The following NALCN variants were observed in gnomAD, a reference collection of about 807,000 sequenced individuals.
The protein encoded by NALCN is sodium leak channel, non-selective.
A neutral mutation model predicts 225.3 loss-of-function variants in NALCN; 111 were observed. That is an observed-to-expected ratio of 0.49 (90% CI 0.42 to 0.58). The LOEUF is 0.58. Among genes scored for constraint, NALCN ranks in the 20% least tolerant of loss-of-function variants. NALCN has a pLI of 0.00. For synonymous variants in NALCN, 764 were observed against 769.0 expected (o/e 0.99, Z 0.11); for missense variants, 1,378 against 2,202.4 (o/e 0.63, Z 7.49).
At chr13:101,070,063 G>GTTCTTTT (rs536866923) in intron 37 of NALCN, among the ~76,000 whole-genome samples, 8,620 of 98,098 alleles carry the variant, frequency 0.088, 1,295 homozygotes, top group African/African-American at 0.14. Context: ...AATCATGAAT[G>GTTCTTTT]TTTTTTTTTT....
chr13:101,240,941 T>A (rs1156248603), intron 11 of NALCN, among the ~76,000 whole-genome samples: 2 of 152,252 alleles, frequency 1.3e-5, no homozygotes, highest in African/African-American at 2.4e-5. Flanking sequence ...TACTGTTTTA[T>A]GTGAAATTGG....
At chr13:101,238,903 A>G (rs2041660565) in intron 11 of NALCN, among the ~76,000 whole-genome samples, 1 of 151,988 alleles carries the variant, frequency 6.6e-6, no homozygotes, top group Non-Finnish European at 1.5e-5. Context: ...ATGAAACATT[A>G]AAGGCACTGC....
intron 15 of NALCN, among the ~76,000 whole-genome samples, chr13:101,162,576 C>CT (rs2038241728): frequency 1.3e-5 from 2 of 152,280 alleles, no homozygotes; most frequent in African/African-American, 4.8e-5. Context: ...ATAAGAGTGC[C>CT]TTTTTGTAAT....
intron 11 of NALCN, among the ~76,000 whole-genome samples, chr13:101,257,938 C>T (rs560095697): frequency 6.6e-6 from 1 of 152,150 alleles, no homozygotes; most frequent in South Asian, 2.1e-4. Flanking sequence ...TAGGGAGATG[C>T]TTATTTAATC....
Position 101,258,427 on chromosome 13 carries a change from G to A in NALCN, c.1266+16C>T, listed in dbSNP as rs776977104. The A allele has an allele frequency of 2.5e-6, 4 of 1,613,856 alleles. No homozygotes were observed. The highest frequency in any genetic ancestry group is 2.7e-5 in the African/African-American group (2 of 74,932). On this transcript the variant is annotated intron_variant, in intron 11 of 43. Coordinates refer to ENST00000251127, the MANE Select transcript of NALCN (RefSeq NM_052867.4). ...TGCTCCTTGCCCAGCGATCTGCACG[G>A]TGGAGAGCTGCTTACCTCCGCCAGG...
intron 3 of NALCN, among the ~76,000 whole-genome samples, chr13:101,380,004 G>A (rs2046804778): frequency 6.6e-6 from 1 of 151,898 alleles, no homozygotes; most frequent in Non-Finnish European, 1.5e-5. Flanking sequence ...GATCATTAAG[G>A]CAAAAACCCC....
chr13:101,243,921 G>A (rs562982840), intron 11 of NALCN, among the ~76,000 whole-genome samples: 2 of 105,848 alleles, frequency 1.9e-5, no homozygotes, highest in East Asian at 4.8e-4. Flanking sequence ...AGACTTTGCT[G>A]CAAGTCCTGC....
At chr13:101,203,778 T>G (rs1250910148) in intron 13 of NALCN, among the ~76,000 whole-genome samples, 1 of 151,404 alleles carries the variant, frequency 6.6e-6, no homozygotes, top group Non-Finnish European at 1.5e-5. Context: ...GAAAATTTTG[T>G]TTTTTTTACA....
At position 101,397,066 on chromosome 13, in the gene NALCN, TTATATATATATATATATATATATATATA is replaced by T. The variant is rs368771604; in HGVS notation, c.109-1729_109-1702del. Among the ~76,000 whole-genome samples, 30 of 56,390 alleles carry T rather than the reference TTATATATATATATATATATATATATATA, an allele frequency of 5.3e-4. 1 individual carries two copies. Among genetic ancestry groups the T allele is most frequent in the Admixed American group, 6.2e-4 (3 of 4,824 alleles). 37.0% of individuals were successfully genotyped at this position (56,390 alleles called of 152,430 possible). On this transcript the variant is annotated intron_variant, in intron 2 of 43. Coordinates refer to ENST00000251127, the MANE Select transcript of NALCN (RefSeq NM_052867.4). ...AAGAAGTAAAACACCTATGAATGTA[TTATATATATATATATATATATATATATA>T]TATATATATATATATACATACACAT...
chr13:101,081,567 G>A lies in NALCN; in HGVS notation c.3845C>T (p.Ser1282Leu), dbSNP rs763353781. The change falls in exon 34 of 44, where the codon TCG becomes TTG. Residue 1282 changes from serine (S) to leucine (L), a missense_variant. Around this residue, in one of 19 missense-constraint regions of NALCN, gnomAD observed 98 missense variants for 156.6 expected, o/e 0.63. Transcript: ENST00000251127. ...AAGCACCACCCATACAACGCCAAGCGACGTCACCAGGAGATCGTATCGGTT... is the reference window on the plus strand; with the variant it reads ...AAGCACCACCCATACAACGCCAAGCAACGTCACCAGGAGATCGTATCGGTT... Reference protein sequence around the residue: ...RRNRYDLLVTSLGVVWVVLHF... With the variant: ...RRNRYDLLVTLLGVVWVVLHF... 5.3e-5 allele frequency: 85 copies of A among 1,613,984 alleles called. 1 individual carries two copies. In the Admixed American group the frequency reaches 9.2e-4, roughly 17 times the overall value.
At chr13:101,405,323 C>T (rs997077032) in intron 1 of NALCN, among the ~76,000 whole-genome samples, 1 of 152,214 alleles carries the variant, frequency 6.6e-6, no homozygotes, top group African/African-American at 2.4e-5. Flanking sequence ...TAGCATCATA[C>T]ATTTTATGCT....
rs753183455 is a variant in NALCN, at chr13:101,229,425, C to T, written c.1594G>A (p.Glu532Lys). 59 of 1,603,590 alleles carry T rather than the reference C, an allele frequency of 3.7e-5. 1 individual carries two copies. Among genetic ancestry groups the T allele is most frequent in the East Asian group, 2.0e-4 (9 of 44,114 alleles). Residue 532 changes from glutamate to lysine, a missense_variant, in exon 13 of 44, where the codon GAA becomes AAA. Physicochemically the swap from Glu to Lys is moderately conservative, Grantham distance 56. This residue lies in a region of NALCN where 18 missense variants were observed against 18.0 expected (regional missense o/e 1.00). Coordinates refer to ENST00000251127, the MANE Select transcript of NALCN (RefSeq NM_052867.4). ...AISLQMFCFV[E>K]ELDRFTTFPR... is the part of the protein sequence containing the mutation. ...AACGTAGTAAATCTGTCCAGTTCTT[C>T]GACAAAGCAGAACATCTGCAAACTA... is the stretch of plus-strand genomic sequence containing the variant.
At chr13:101,123,280 G>T (rs960723439) in intron 18 of NALCN, among the ~76,000 whole-genome samples, 2 of 152,172 alleles carry the variant, frequency 1.3e-5, no homozygotes, top group Non-Finnish European at 2.9e-5. Flanking sequence ...GCAGATACTC[G>T]ATGCAGACTG....
At chr13:101,176,717 G>A (rs146567647) in intron 14 of NALCN, among the ~76,000 whole-genome samples, 308 of 152,262 alleles carry the variant, frequency 2.0e-3, no homozygotes, top group African/African-American at 7.2e-3. Flanking sequence ...ATATACACAG[G>A]TGCTTATTAG....
Position 101,262,356 on chromosome 13 carries a change from C to T in NALCN, c.1135-3782G>A, listed in dbSNP as rs145972828. On this transcript the variant is annotated intron_variant, in intron 10 of 43. Coordinates refer to ENST00000251127, the MANE Select transcript of NALCN (RefSeq NM_052867.4). ...TATTTAAAGTCCATTCTGGGGCCCG[C>T]TGCCCACTGTGGGGTAGAGAATACT... 7.2e-5 allele frequency among the ~76,000 whole-genome samples: 11 copies of T among 152,284 alleles called. No homozygotes were observed. The East Asian group carries it at 2.1e-3, about 29-fold the overall frequency.
chr13:101,292,148 G>A lies in NALCN; in HGVS notation c.943-54C>T. On this transcript the variant is annotated intron_variant, in intron 8 of 43. Transcript: ENST00000251127. This position sits in a 1 kb window ranked among gnomAD's most constrained non-coding sequence, Gnocchi z 4.3. ...AAAGTCTAAGAATGACAAAGCAGAGGGCAACCAAAACCAAACAAAAGATCT... is the reference window on the plus strand; with the variant it reads ...AAAGTCTAAGAATGACAAAGCAGAGAGCAACCAAAACCAAACAAAAGATCT... 6.2e-7 allele frequency: 1 copy of A among 1,612,004 alleles called. No individual in the cohort carries two copies. Among genetic ancestry groups the A allele is most frequent in the Non-Finnish European group, 8.5e-7 (1 of 1,178,832 alleles).
intron 10 of NALCN, among the ~76,000 whole-genome samples, chr13:101,275,549 G>A (rs1021711071): frequency 2.0e-5 from 3 of 152,160 alleles, no homozygotes; most frequent in African/African-American, 7.2e-5. Flanking sequence ...TAGTGTAGCT[G>A]AAATATGTTT....
At chr13:101,137,328 G>C (rs1254448573) in intron 17 of NALCN, among the ~76,000 whole-genome samples, 1 of 151,958 alleles carries the variant, frequency 6.6e-6, no homozygotes, top group East Asian at 1.9e-4. Context: ...AAGACCAAAA[G>C]CCCTAAAAAT....
At position 101,110,674 on chromosome 13, in the gene NALCN, C is replaced by T; in HGVS notation, c.2309G>A (p.Gly770Glu). 6.2e-7 allele frequency: 1 copy of T among 1,614,112 alleles called. No individual in the cohort carries two copies. The highest frequency in any genetic ancestry group is 8.5e-7 in the Non-Finnish European group (1 of 1,179,966). ...CCTGCTGATCCTCTGGCTGTTTGATCCATGTCTTAGTGACCTAAAACAACC... is the reference window on the plus strand; with the variant it reads ...CCTGCTGATCCTCTGGCTGTTTGATTCATGTCTTAGTGACCTAAAACAACC... The part of the protein sequence containing the change: ...IRQERRSLRH[G>E]SNSQRISRGK... The change falls in exon 20 of 44, where the codon GGA (glycine) becomes GAA (glutamate). Residue 770 changes from glycine to glutamate, a missense_variant. Around this residue, in one of 19 missense-constraint regions of NALCN, gnomAD observed 66 missense variants for 85.7 expected, o/e 0.77. Coordinates refer to ENST00000251127, the MANE Select transcript of NALCN (RefSeq NM_052867.4).
Sources: allele counts gnomAD v4.1 joint callset (sites outside exome capture counted in the v4.1 genomes callset), GRCh38; gene constraint gnomAD v4.1.1; regional missense constraint gnomAD v4.1.1; non-coding constraint Gnocchi (gnomAD v3.1); transcripts MANE v1.5; gene names NCBI Gene and HGNC (gene_info 2026-07-23, HGNC 2026-07-21).